MACROD2: variants seen among roughly 807,000 people sequenced by gnomAD.
MACROD2 encodes the protein ADP-ribose glycohydrolase MACROD2.
MACROD2 carries 36 observed loss-of-function variants against 70.4 expected under a neutral mutation model. The ratio of observed to expected loss-of-function variants is 0.51; its 90% CI spans 0.39 to 0.68. The LOEUF (loss-of-function observed/expected upper bound fraction) is 0.68, where lower values mean the gene tolerates loss of function less well. Ranked by LOEUF, MACROD2 falls within the 30% of genes least tolerant of loss-of-function variation. The pLI, the probability that MACROD2 is intolerant of heterozygous loss-of-function variation, is 0.00. For synonymous variants in MACROD2, 172 were observed against 178.8 expected, an observed-to-expected ratio of 0.96 and a Z score of 0.30; for missense variants, 496 against 538.4, an observed-to-expected ratio of 0.92 and a Z score of 0.78.
intron 4 of MACROD2, among the ~76,000 whole-genome samples, chr20:14,590,660 G>C (rs886076881): frequency 6.6e-6 from 1 of 151,928 alleles, no homozygotes; most frequent in Non-Finnish European, 1.5e-5. Flanking sequence ...ATCTTATATT[G>C]AATGACCCTG....
chr20:14,013,446 G>T (rs181728793), intron 2 of MACROD2, among the ~76,000 whole-genome samples: 77 of 151,286 alleles, frequency 5.1e-4, no homozygotes, highest in African/African-American at 1.8e-3. Flanking sequence ...CTAATTTTTT[G>T]TATTTTTAGT....
intron 6 of MACROD2, among the ~76,000 whole-genome samples, chr20:15,290,513 GT>G (rs1482052276): frequency 6.6e-6 from 1 of 152,142 alleles, no homozygotes; most frequent in Non-Finnish European, 1.5e-5. Context: ...TACAATAACT[GT>G]TTAGTGAGGT....
chr20:14,661,918 C>G (rs1986247482), intron 4 of MACROD2, among the ~76,000 whole-genome samples: 1 of 151,994 alleles, frequency 6.6e-6, no homozygotes, highest in South Asian at 2.1e-4. Context: ...CCAAATCTGG[C>G]AGCAAAGAAG....
chr20:14,566,025 C>G (rs1283001747), intron 4 of MACROD2, among the ~76,000 whole-genome samples: 3 of 151,942 alleles, frequency 2.0e-5, no homozygotes, highest in African/African-American at 7.2e-5. Context: ...TTTGAGTGTA[C>G]TATCTGTTTC....
chr20:15,472,006 C>T (rs1333813273), intron 7 of MACROD2, among the ~76,000 whole-genome samples: 2 of 152,172 alleles, frequency 1.3e-5, no homozygotes, highest in African/African-American at 4.8e-5. Flanking sequence ...TCCTAAAACT[C>T]CTTGAATAAA....
chr20:14,955,859 A>C (rs2074531946), intron 5 of MACROD2, among the ~76,000 whole-genome samples: 1 of 152,144 alleles, frequency 6.6e-6, no homozygotes. Flanking sequence ...AAAAGAAAGG[A>C]ATGTCAGGGA....
At chr20:15,837,272 T>G (rs1276646008) in intron 8 of MACROD2, among the ~76,000 whole-genome samples, 1 of 152,222 alleles carries the variant, frequency 6.6e-6, no homozygotes, top group African/African-American at 2.4e-5. Context: ...ATTTGCTCTG[T>G]GGAACTTGCT....
At chr20:14,230,623 A>T (rs979192875) in intron 3 of MACROD2, among the ~76,000 whole-genome samples, 2 of 18,618 alleles carry the variant, frequency 1.1e-4, no homozygotes, top group Non-Finnish European at 2.4e-4. Flanking sequence ...CCAAACTCTC[A>T]TTCATGTTTA....
chr20:15,918,873 A>T (rs2065359461), intron 10 of MACROD2, among the ~76,000 whole-genome samples: 1 of 152,124 alleles, frequency 6.6e-6, no homozygotes, highest in Admixed American at 6.5e-5. Context: ...TCTGCATATT[A>T]AATGACTGAT....
At chr20:15,945,602 C>A (rs77318832) in intron 12 of MACROD2, among the ~76,000 whole-genome samples, 2,089 of 152,312 alleles carry the variant, frequency 0.014, 46 homozygotes, top group African/African-American at 0.047. Context: ...TCCCAATAGG[C>A]TATAGCAATT....
chr20:14,749,827 A>G (rs142934190), intron 5 of MACROD2, among the ~76,000 whole-genome samples: 61 of 152,232 alleles, frequency 4.0e-4, no homozygotes, highest in African/African-American at 1.1e-3. Context: ...CTTGGGGTAA[A>G]TTTTATTAGG....
chr20:15,712,284 G>T (rs2050640021), intron 8 of MACROD2, among the ~76,000 whole-genome samples: 1 of 152,204 alleles, frequency 6.6e-6, no homozygotes, highest in African/African-American at 2.4e-5. Flanking sequence ...GCAGAGCTGT[G>T]TTCCAATAAA....
At chr20:14,627,836 C>T (rs763800100) in intron 4 of MACROD2, among the ~76,000 whole-genome samples, 2 of 152,090 alleles carry the variant, frequency 1.3e-5, no homozygotes, top group African/African-American at 2.4e-5. Context: ...AAAAAATGCA[C>T]TCAGAAAATT....
At chr20:14,862,231 AAATATATATTTATATATT>A in intron 5 of MACROD2, among the ~76,000 whole-genome samples, 1 of 38,438 alleles carries the variant, frequency 2.6e-5, no homozygotes. Context: ...AAATATATAT[AAATATATATTTATATATT>A]AATATATATA....
intron 7 of MACROD2, among the ~76,000 whole-genome samples, chr20:15,461,393 G>C (rs773063988): frequency 6.6e-6 from 1 of 151,936 alleles, no homozygotes; most frequent in Non-Finnish European, 1.5e-5. Flanking sequence ...GTCTTAACAC[G>C]TTCTGTTTAA....
intron 5 of MACROD2, among the ~76,000 whole-genome samples, chr20:14,724,397 A>C (rs968381214): frequency 6.6e-6 from 1 of 152,156 alleles, no homozygotes; most frequent in Non-Finnish European, 1.5e-5. Flanking sequence ...TCAAAGGCCC[A>C]ATATGTGTGA....
At chr20:14,739,414 A>T (rs977212787) in intron 5 of MACROD2, among the ~76,000 whole-genome samples, 5 of 152,030 alleles carry the variant, frequency 3.3e-5, no homozygotes, top group African/African-American at 1.2e-4. Context: ...AAAATATAAA[A>T]GATTATATAT....
rs138899419 is a variant in MACROD2 at position 14,935,747 on chromosome 20, G to A, written c.418+250788G>A. On this transcript the variant is annotated intron_variant, in intron 5 of 17. Coordinates refer to ENST00000684519, the MANE Select transcript of MACROD2 (RefSeq NM_001351661.2). The stretch of plus-strand genomic sequence containing the variant: ...GAACTGCTATCATTGAAGGGAGCAC[G>A]TTAAATCCTTCCAGTCTTCTAGTGC... Among the ~76,000 whole-genome samples the A allele has an allele frequency of 3.3e-5, 5 of 152,244 alleles. No homozygotes were observed. The East Asian group carries it at 7.7e-4, about 24-fold the overall frequency.
chr20:15,242,867 G>T (rs1414066426), intron 6 of MACROD2, among the ~76,000 whole-genome samples: 1 of 152,172 alleles, frequency 6.6e-6, no homozygotes, highest in African/African-American at 2.4e-5. Context: ...TAATGTGCAG[G>T]ACGCTAATAT....
Sources: gnomAD v4.1 joint callset for allele counts (sites outside exome capture counted in the v4.1 genomes callset) on GRCh38, gnomAD v4.1.1 for gene constraint, MANE v1.5 for transcripts, NCBI Gene and HGNC (gene_info 2026-07-23, HGNC 2026-07-21) for gene names.